Variants in STAC observed in about 807,000 individuals in gnomAD.
The protein encoded by STAC is SH3 and cysteine rich domain.
STAC carries 43 observed loss-of-function variants against 48.8 expected under a neutral mutation model. That is an observed-to-expected ratio of 0.88 (90% CI 0.69 to 1.14). The LOEUF (loss-of-function observed/expected upper bound fraction) is 1.14, where lower values mean the gene tolerates loss of function less well. Among genes scored for constraint, STAC ranks in the 50% most tolerant of loss-of-function variants. STAC has a pLI of 0.00. For missense variants in STAC, 497 were observed against 504.0 expected, an observed-to-expected ratio of 0.99 and a Z score of 0.13; for synonymous variants, 193 against 179.5, an observed-to-expected ratio of 1.07 and a Z score of -0.60.
intron 1 of STAC, among the ~76,000 whole-genome samples, chr3:36,419,797 C>T (rs1278806700): frequency 1.3e-5 from 2 of 152,140 alleles, no homozygotes; most frequent in African/African-American, 4.8e-5. Flanking sequence ...TTGGAAAACA[C>T]AGAGGATTGA....
chr3:36,424,148 T>C (rs1700511186), intron 1 of STAC, among the ~76,000 whole-genome samples: 2 of 152,168 alleles, frequency 1.3e-5, no homozygotes, highest in South Asian at 4.1e-4. Flanking sequence ...CCCACTCACT[T>C]AATTTAACAA....
At chr3:36,395,307 A>T (rs191157623) in intron 1 of STAC, among the ~76,000 whole-genome samples, 5 of 152,350 alleles carry the variant, frequency 3.3e-5, no homozygotes, top group Admixed American at 3.3e-4. Flanking sequence ...TGTAATAGTG[A>T]AGTGAAAGAT....
chr3:36,530,674 C>A (rs1388209160), intron 10 of STAC, among the ~76,000 whole-genome samples: 3 of 138,704 alleles, frequency 2.2e-5, no homozygotes, highest in Non-Finnish European at 4.5e-5. Context: ...CGGCTCACAG[C>A]AACCTCCACC....
At chr3:36,532,967 G>A (rs1699106164) in intron 10 of STAC, among the ~76,000 whole-genome samples, 1 of 152,100 alleles carries the variant, frequency 6.6e-6, no homozygotes, top group Non-Finnish European at 1.5e-5. Context: ...TTTTATAAAT[G>A]AGAAAACAAA....
At chr3:36,421,214 C>A (rs928646369) in intron 1 of STAC, among the ~76,000 whole-genome samples, 1 of 152,156 alleles carries the variant, frequency 6.6e-6, no homozygotes, top group Non-Finnish European at 1.5e-5. Flanking sequence ...ACATTAACTA[C>A]ATTTTCACAT....
intron 1 of STAC, among the ~76,000 whole-genome samples, chr3:36,432,017 CTT>C (rs1300323136): frequency 2.0e-5 from 3 of 152,196 alleles, no homozygotes; most frequent in African/African-American, 4.8e-5. Flanking sequence ...TAAGAGGAAT[CTT>C]TGAATCAGCT....
intron 1 of STAC, among the ~76,000 whole-genome samples, chr3:36,409,073 A>T (rs897639085): frequency 2.6e-5 from 4 of 152,242 alleles, no homozygotes; most frequent in Non-Finnish European, 5.9e-5. Context: ...TGCCTCTGGT[A>T]AAGGATTGAA....
chr3:36,504,871 G>C (rs541406522), intron 7 of STAC, among the ~76,000 whole-genome samples: 4 of 151,944 alleles, frequency 2.6e-5, no homozygotes, highest in Non-Finnish European at 4.4e-5. Flanking sequence ...TACAGCTTTT[G>C]TGTATGTTTT....
At position 36,453,698 on chromosome 3, in the gene STAC, C is replaced by T. The variant is rs1339147572; in HGVS notation, c.388+10058C>T. Among the ~76,000 whole-genome samples the T allele has an allele frequency of 3.9e-5, 3 of 77,530 alleles. No homozygotes were observed. In the South Asian group the frequency reaches 1.0e-3, roughly 26 times the overall value. 50.9% of individuals were successfully genotyped at this position (77,530 alleles called of 152,430 possible). On this transcript the variant is annotated intron_variant, in intron 2 of 10. Coordinates refer to ENST00000273183, the MANE Select transcript of STAC (RefSeq NM_003149.3). ...GGCTGAGGAGTGCTGGCGCAGGGCG[C>T]GGGACTGGCAGGCAGCTCCACCTGC... is the stretch of plus-strand genomic sequence containing the variant.
At chr3:36,391,751 T>C (rs1699755758) in intron 1 of STAC, among the ~76,000 whole-genome samples, 1 of 152,180 alleles carries the variant, frequency 6.6e-6, no homozygotes, top group Admixed American at 6.5e-5. Context: ...AGACAAGATG[T>C]CTTGCAGCTC....
chr3:36,473,262 G>A (rs1409350302), intron 2 of STAC, among the ~76,000 whole-genome samples: 1 of 143,186 alleles, frequency 7.0e-6, no homozygotes, highest in Non-Finnish European at 1.5e-5. Flanking sequence ...GGGAATTCTG[G>A]GAGATACAAT....
chr3:36,422,749 C>A (rs1242693570), intron 1 of STAC, among the ~76,000 whole-genome samples: 2 of 151,950 alleles, frequency 1.3e-5, no homozygotes, highest in African/African-American at 4.8e-5. Flanking sequence ...TCATTTTTAC[C>A]TATGTAATCA....
chr3:36,403,114 C>A (rs1365957784), intron 1 of STAC, among the ~76,000 whole-genome samples: 1 of 152,084 alleles, frequency 6.6e-6, no homozygotes, highest in Non-Finnish European at 1.5e-5. Flanking sequence ...TTTTTTATTT[C>A]TTTTAAAAAG....
At chr3:36,410,227 T>G (rs756711875) in intron 1 of STAC, among the ~76,000 whole-genome samples, 9 of 152,206 alleles carry the variant, frequency 5.9e-5, no homozygotes, top group Non-Finnish European at 1.0e-4. Flanking sequence ...ACTATATATA[T>G]AGATTTACTA....
intron 1 of STAC, among the ~76,000 whole-genome samples, chr3:36,402,566 T>C (rs1700019124): frequency 6.6e-6 from 1 of 151,930 alleles, no homozygotes; most frequent in Admixed American, 6.6e-5. Flanking sequence ...ACATCTAACA[T>C]TAGCCTAGGA....
At chr3:36,455,170 T>TATTTAGTA (rs1696815876) in intron 2 of STAC, among the ~76,000 whole-genome samples, 1 of 152,216 alleles carries the variant, frequency 6.6e-6, no homozygotes, top group African/African-American at 2.4e-5. Flanking sequence ...TCACAGCACA[T>TATTTAGTA]ATATTCTGAA....
chr3:36,503,957 A>T (rs1412596217), intron 6 of STAC, among the ~76,000 whole-genome samples: 18 of 152,220 alleles, frequency 1.2e-4, no homozygotes. Context: ...TACAATCAAG[A>T]TACCGAATAT....
intron 1 of STAC, among the ~76,000 whole-genome samples, chr3:36,414,491 T>C (rs1559482531): frequency 6.6e-6 from 1 of 152,242 alleles, no homozygotes; most frequent in Non-Finnish European, 1.5e-5. Context: ...TGTGCATGCA[T>C]CACGTAGTTC....
intron 1 of STAC, 59 bp downstream of exon 1, chr3:36,380,813 A>G (rs1441229942): frequency 2.9e-6 from 4 of 1,370,042 alleles, no homozygotes; most frequent in Admixed American, 3.9e-5. Context: ...CTGTCGGTCC[A>G]GCTTTGTCTC....
Sources: allele counts gnomAD v4.1 joint callset (sites outside exome capture counted in the v4.1 genomes callset), GRCh38; gene constraint gnomAD v4.1.1; transcripts MANE v1.5; gene names NCBI Gene and HGNC (gene_info 2026-07-23, HGNC 2026-07-21).